SCGB2B2: variants seen among roughly 807,000 people sequenced by gnomAD.
SCGB2B2 encodes the protein secretoglobin-like protein.
A neutral mutation model predicts 7.6 loss-of-function variants in SCGB2B2; 11 were observed. The ratio of observed to expected loss-of-function variants is 1.45; its 90% CI spans 0.91 to 2.40. The LOEUF (loss-of-function observed/expected upper bound fraction) is 2.40. SCGB2B2 is among the 30% of genes most tolerant of loss of function. SCGB2B2 has a pLI of 0.00. For missense variants in SCGB2B2, 104 were observed against 115.4 expected, an observed-to-expected ratio of 0.90 and a Z score of 0.45; for synonymous variants, 50 against 48.6, an observed-to-expected ratio of 1.03 and a Z score of -0.12.
chr19:34,670,826 G>A (rs1490193286), intron 1 of SCGB2B2, among the ~76,000 whole-genome samples: 1 of 152,214 alleles, frequency 6.6e-6, no homozygotes, highest in African/African-American at 2.4e-5. Context: ...ATTCTCTCAT[G>A]TTACTTAATG....
chr19:34,622,341 C>T (rs1186405238), intron 1 of SCGB2B2, among the ~76,000 whole-genome samples: 1 of 152,124 alleles, frequency 6.6e-6, no homozygotes, highest in African/African-American at 2.4e-5. Context: ...CCTTTTTGAG[C>T]CCCAGGTTCC....
intron 1 of SCGB2B2, among the ~76,000 whole-genome samples, chr19:34,665,847 C>G (rs2067603354): frequency 6.6e-6 from 1 of 152,090 alleles, no homozygotes; most frequent in Non-Finnish European, 1.5e-5. Flanking sequence ...CCTCTTGGCC[C>G]TCAGAGGACC....
intron 1 of SCGB2B2, among the ~76,000 whole-genome samples, chr19:34,668,017 G>A (rs2067684778): frequency 6.6e-6 from 1 of 152,002 alleles, no homozygotes; most frequent in Non-Finnish European, 1.5e-5. Context: ...TGTAGTGAGA[G>A]GTGACAGCAT....
chr19:34,651,993 A>G (rs1359603168), intron 1 of SCGB2B2, among the ~76,000 whole-genome samples: 2 of 151,208 alleles, frequency 1.3e-5, no homozygotes, highest in African/African-American at 4.9e-5. Context: ...CAACCAAGTG[A>G]TTTTCAACAA....
intron 1 of SCGB2B2, among the ~76,000 whole-genome samples, chr19:34,598,705 G>C (rs1195784352): frequency 6.6e-6 from 1 of 151,202 alleles, no homozygotes; most frequent in African/African-American, 2.4e-5. Context: ...TGTGATGCAG[G>C]AATCACTTCC....
chr19:34,652,949 C>T (rs1175382043), intron 1 of SCGB2B2, among the ~76,000 whole-genome samples: 1 of 151,114 alleles, frequency 6.6e-6, no homozygotes, highest in Non-Finnish European at 1.5e-5. Flanking sequence ...AACATGGAAT[C>T]GACTTAAGTG....
At chr19:34,658,575 C>A (rs2067349176) in intron 1 of SCGB2B2, among the ~76,000 whole-genome samples, 1 of 151,996 alleles carries the variant, frequency 6.6e-6, no homozygotes, top group South Asian at 2.1e-4. Flanking sequence ...TCTGAATAGA[C>A]CAATAACAGG....
intron 1 of SCGB2B2, among the ~76,000 whole-genome samples, chr19:34,606,783 A>T (rs146495651): frequency 8.8e-4 from 134 of 151,656 alleles, no homozygotes; most frequent in Non-Finnish European, 1.7e-3. Flanking sequence ...GTTAATTTAT[A>T]AATTAAACTT....
rs996131795 is a variant in SCGB2B2 at position 34,591,617 on chromosome 19, G to C, written c.*1938C>G. Among the ~76,000 whole-genome samples, 1 of 152,212 alleles carries C rather than the reference G, an allele frequency of 6.6e-6. No individual in the cohort carries two copies. The highest frequency in any genetic ancestry group is 1.5e-5 in the Non-Finnish European group (1 of 68,042). On this transcript the variant is annotated 3_prime_UTR_variant, in exon 4 of 4. Coordinates refer to ENST00000601241, the MANE Select transcript of SCGB2B2 (RefSeq NM_001025591.4). ...CAAGGTCCTGCGTGACCTGGCACTTGCCTCGTTTTCTGACGTGACCTCCTT... is the reference window on the plus strand; with the variant it reads ...CAAGGTCCTGCGTGACCTGGCACTTCCCTCGTTTTCTGACGTGACCTCCTT...
chr19:34,650,930 G>T (rs2067146871), intron 1 of SCGB2B2, among the ~76,000 whole-genome samples: 1 of 143,862 alleles, frequency 7.0e-6, no homozygotes, highest in Non-Finnish European at 1.5e-5. Context: ...TCAACCCAGG[G>T]ATGCAAGAAT....
intron 1 of SCGB2B2, among the ~76,000 whole-genome samples, chr19:34,618,067 A>C (rs1477737445): frequency 1.4e-4 from 22 of 152,298 alleles, no homozygotes; most frequent in African/African-American, 9.6e-5. Flanking sequence ...GGTACCTCAG[A>C]TGGAAATGCA....
At chr19:34,649,541 A>G (rs1041714017) in intron 1 of SCGB2B2, among the ~76,000 whole-genome samples, 2 of 152,048 alleles carry the variant, frequency 1.3e-5, no homozygotes, top group African/African-American at 4.8e-5. Context: ...TGCAATAACT[A>G]TTTGGAGTTT....
At chr19:34,604,108 G>GCCA (rs2065710410) in intron 1 of SCGB2B2, among the ~76,000 whole-genome samples, 1 of 151,960 alleles carries the variant, frequency 6.6e-6, no homozygotes, top group East Asian at 1.9e-4. Context: ...CTGCTATATT[G>GCCA]CCAGACAGTC....
chr19:34,585,994 C>T (rs2065183562), downstream of SCGB2B2, among the ~76,000 whole-genome samples: 1 of 152,172 alleles, frequency 6.6e-6, no homozygotes, highest in Non-Finnish European at 1.5e-5. Flanking sequence ...ATAACAATTA[C>T]ATATACCTAA....
rs983250473 is a variant in SCGB2B2, at chr19:34,618,057, G to A, written c.-2031-21463C>T. Among the ~76,000 whole-genome samples, 18 of 152,160 alleles carry A rather than the reference G, an allele frequency of 1.2e-4. No individual in the cohort carries two copies. The East Asian group carries it at 2.9e-3, about 24-fold the overall frequency. ...TGGCACTCCCTAGTGAGATGAACCC[G>A]GTACCTCAGATGGAAATGCAGAAAT... On this transcript the variant is annotated intron_variant, in intron 1 of 3. Coordinates refer to ENST00000601241, the MANE Select transcript of SCGB2B2 (RefSeq NM_001025591.4).
intron 1 of SCGB2B2, among the ~76,000 whole-genome samples, chr19:34,670,596 G>C (rs1443201714): frequency 6.6e-6 from 1 of 152,094 alleles, no homozygotes; most frequent in Non-Finnish European, 1.5e-5. Flanking sequence ...TTATTATTGA[G>C]TTTTGAGAGT....
intron 1 of SCGB2B2, among the ~76,000 whole-genome samples, chr19:34,663,435 AAAGT>A (rs1385711820): frequency 2.6e-5 from 4 of 152,270 alleles, no homozygotes; most frequent in Admixed American, 2.0e-4. Flanking sequence ...GTTGAACAAA[AAAGT>A]AAGATACAGG....
intron 1 of SCGB2B2, among the ~76,000 whole-genome samples, chr19:34,653,028 A>G (rs1286419586): frequency 1.3e-5 from 2 of 151,420 alleles, no homozygotes; most frequent in Non-Finnish European, 2.9e-5. Context: ...TTTAGCTATG[A>G]AAAAGAATAA....
chr19:34,610,592 T>C (rs964337957), intron 1 of SCGB2B2, among the ~76,000 whole-genome samples: 1 of 152,210 alleles, frequency 6.6e-6, no homozygotes, highest in African/African-American at 2.4e-5. Context: ...CTTCCTTCTG[T>C]TGATGTGATG....
Sources: gnomAD v4.1 joint callset for allele counts (sites outside exome capture counted in the v4.1 genomes callset) on GRCh38, gnomAD v4.1.1 for gene constraint, MANE v1.5 for transcripts, NCBI Gene and HGNC (gene_info 2026-07-23, HGNC 2026-07-21) for gene names.